ANKFN1: variants seen among roughly 807,000 people sequenced by gnomAD.
ANKFN1 encodes the protein ankyrin repeat and fibronectin type-III domain-containing protein 1.
Under a neutral mutation model 108.7 loss-of-function variants are expected in ANKFN1, and 74 were observed. That is an observed-to-expected ratio of 0.68 (90% confidence interval 0.56 to 0.83). ANKFN1 has a LOEUF of 0.83. ANKFN1 is among the 40% of genes least tolerant of loss of function. The pLI, the probability that ANKFN1 is intolerant of heterozygous loss-of-function variation, is 0.00. For synonymous variants in ANKFN1, 547 were observed against 516.2 expected (o/e 1.06, Z -0.81); for missense variants, 1,505 against 1,382.3 (o/e 1.09, Z -1.41).
intron 1 of ANKFN1, among the ~76,000 whole-genome samples, chr17:56,180,914 G>GA (rs1911625307): frequency 6.6e-6 from 1 of 152,182 alleles, no homozygotes; most frequent in African/African-American, 2.4e-5. Context: ...ATCGAGGAAG[G>GA]AGTGCTGTTC....
At chr17:56,205,988 T>C (rs1440046678) in intron 1 of ANKFN1, among the ~76,000 whole-genome samples, 1 of 152,192 alleles carries the variant, frequency 6.6e-6, no homozygotes, top group African/African-American at 2.4e-5. Flanking sequence ...TCCCTGCCAT[T>C]TTGAAATTTA....
intron 15 of ANKFN1, among the ~76,000 whole-genome samples, chr17:56,467,789 A>G (rs1355149238): frequency 8.1e-4 from 70 of 86,766 alleles, no homozygotes; most frequent in African/African-American, 5.2e-3. Context: ...GAAAGAAAGA[A>G]AGAAGAAAGA....
At chr17:56,480,452 A>G (rs904523575) in intron 16 of ANKFN1, among the ~76,000 whole-genome samples, 4 of 152,192 alleles carry the variant, frequency 2.6e-5, no homozygotes, top group Non-Finnish European at 5.9e-5. Context: ...TACTGTTCTG[A>G]GGTATATGTG....
At chr17:56,116,959 C>A (rs985067595) in intron 4 of ANKFN1, among the ~76,000 whole-genome samples, 17 of 152,026 alleles carry the variant, frequency 1.1e-4, no homozygotes, top group African/African-American at 4.1e-4. Flanking sequence ...TGTGCTCATT[C>A]TGTGAAAATT....
intron 1 of ANKFN1, among the ~76,000 whole-genome samples, chr17:56,180,644 C>A (rs577565916): frequency 6.6e-6 from 1 of 152,248 alleles, no homozygotes; most frequent in Non-Finnish European, 1.5e-5. Context: ...CTACAGGCAA[C>A]ATATATTGGT....
intron 4 of ANKFN1, among the ~76,000 whole-genome samples, chr17:56,047,971 ATCT>A (rs1457360414): frequency 3.3e-5 from 5 of 152,168 alleles, no homozygotes; most frequent in Non-Finnish European, 5.9e-5. Context: ...TTTTTAAAGG[ATCT>A]TCTCCTAATC....
chr17:56,299,492 G>T (rs2044611992), intron 3 of ANKFN1, among the ~76,000 whole-genome samples: 1 of 152,158 alleles, frequency 6.6e-6, no homozygotes. Flanking sequence ...ATGTCTTTGG[G>T]ATATTTATGC....
intron 19 of ANKFN1, 123 bp downstream of exon 19, chr17:56,492,476 C>T: frequency 1.8e-6 from 1 of 565,358 alleles, no homozygotes; most frequent in East Asian, 2.8e-5. Context: ...GTGTAAGTTG[C>T]CTATTGAGTT....
At chr17:56,072,460 A>G (rs987579162) in intron 4 of ANKFN1, among the ~76,000 whole-genome samples, 1 of 152,192 alleles carries the variant, frequency 6.6e-6, no homozygotes, top group Non-Finnish European at 1.5e-5. Context: ...TTCCTATTGC[A>G]TGTTCAATGA....
chr17:56,268,356 G>A (rs756412495), intron 3 of ANKFN1, among the ~76,000 whole-genome samples: 5 of 152,140 alleles, frequency 3.3e-5, no homozygotes, highest in Non-Finnish European at 7.4e-5. Flanking sequence ...AATTAAGGCA[G>A]AAATCAAGAA....
chr17:56,360,259 T>G (rs1362702761), intron 6 of ANKFN1, among the ~76,000 whole-genome samples: 1 of 152,184 alleles, frequency 6.6e-6, no homozygotes, highest in Non-Finnish European at 1.5e-5. Context: ...TGCCAGGCTA[T>G]CTTACCATAG....
intron 20 of ANKFN1, among the ~76,000 whole-genome samples, chr17:56,509,101 T>C (rs984131662): frequency 1.3e-5 from 2 of 152,202 alleles, no homozygotes; most frequent in Non-Finnish European, 2.9e-5. Flanking sequence ...TTAAAGAACA[T>C]ATAAATTTAT....
At chr17:56,169,616 G>A (rs1042030268) in intron 1 of ANKFN1, among the ~76,000 whole-genome samples, 6 of 152,116 alleles carry the variant, frequency 3.9e-5, no homozygotes, top group African/African-American at 1.4e-4. Flanking sequence ...AGAAGGAAAG[G>A]GATGGAGGGT....
chr17:56,357,417 G>A (rs1488213329), intron 6 of ANKFN1, among the ~76,000 whole-genome samples: 10 of 152,168 alleles, frequency 6.6e-5, no homozygotes, highest in African/African-American at 2.2e-4. Context: ...ACTCAGGCCC[G>A]GATCTGTAGG....
chr17:56,147,642 G>A lies in ANKFN1; in HGVS notation c.289-80275G>A, dbSNP rs142362563. The stretch of plus-strand genomic sequence containing the variant: ...ATCTCCACCTGGTCCCACCCTTGAC[G>A]TGTGGGGATTATTGGAACTACAATT... On this transcript the variant is annotated intron_variant, in intron 4 of 12. Coordinates refer to the ANKFN1 transcript ENST00000635860. Among the ~76,000 whole-genome samples, 57 of 152,298 alleles carry A rather than the reference G, an allele frequency of 3.7e-4. 1 individual carries two copies. Among genetic ancestry groups the A allele is most frequent in the African/African-American group, 1.2e-3 (50 of 41,576 alleles).
At chr17:56,261,837 C>A (rs537129449) in intron 3 of ANKFN1, among the ~76,000 whole-genome samples, 232 of 152,264 alleles carry the variant, frequency 1.5e-3, no homozygotes, top group Non-Finnish European at 2.6e-3. Flanking sequence ...TTTGGCAACA[C>A]CCTCACAGAC....
intron 8 of ANKFN1, among the ~76,000 whole-genome samples, chr17:56,401,900 A>G (rs946165730): frequency 7.9e-5 from 12 of 152,128 alleles, no homozygotes; most frequent in African/African-American, 2.2e-4. Flanking sequence ...TTTTAATCAT[A>G]AAGCAATGCT....
chr17:56,344,126 T>C (rs551302905), intron 4 of ANKFN1, among the ~76,000 whole-genome samples: 2 of 152,014 alleles, frequency 1.3e-5, no homozygotes, highest in Non-Finnish European at 2.9e-5. Flanking sequence ...ATAGTTTCTG[T>C]TTCTGTACAT....
intron 4 of ANKFN1, among the ~76,000 whole-genome samples, chr17:56,335,152 T>C (rs1451005023): frequency 6.6e-6 from 1 of 152,218 alleles, no homozygotes; most frequent in Non-Finnish European, 1.5e-5. Context: ...TCAGGTAGCA[T>C]GATGCCTCCA....
Sources: gnomAD v4.1 joint callset for allele counts (sites outside exome capture counted in the v4.1 genomes callset) on GRCh38, gnomAD v4.1.1 for gene constraint, MANE v1.5 for transcripts, NCBI Gene and HGNC (gene_info 2026-07-23, HGNC 2026-07-21) for gene names.